The following AFF2 variants were observed in gnomAD, a reference collection of about 807,000 sequenced individuals.
AFF2 encodes ALF transcription elongation factor 2.
Under a neutral mutation model 76.9 loss-of-function variants are expected in AFF2, and 14 were observed. The observed-to-expected ratio is 0.18, with a 90% CI of 0.12 to 0.28. The LOEUF is 0.28. AFF2 is among the 10% of genes least tolerant of loss of function. AFF2 has a pLI of 1.00. For missense variants in AFF2, 868 were observed against 1,001.1 expected (o/e 0.87, Z 1.79); for synonymous variants, 398 against 366.7 (o/e 1.09, Z -0.98).
At chrX:148,628,584 A>AG (rs1221491942) in intron 1 of AFF2, among the ~76,000 whole-genome samples, 3 of 111,335 alleles carry the variant, frequency 2.7e-5, no homozygotes, top group Non-Finnish European at 5.7e-5. Flanking sequence ...AAAAAAAAAA[A>AG]AAAGAGAGAT....
intron 1 of AFF2, among the ~76,000 whole-genome samples, chrX:148,569,629 G>T (rs1314254741): frequency 9.0e-6 from 1 of 110,976 alleles, no homozygotes; most frequent in Non-Finnish European, 1.9e-5. Flanking sequence ...AAGCTTTCCT[G>T]ATTCTCTGAG....
intron 19 of AFF2, among the ~76,000 whole-genome samples, chrX:148,981,995 TTC>T (rs1370481121): frequency 1.8e-5 from 2 of 112,035 alleles, no homozygotes; most frequent in African/African-American, 6.5e-5. Context: ...GAAAGAGTGC[TTC>T]TCTCTTAAGA....
At chrX:148,780,401 G>T (rs1468812027) in intron 3 of AFF2, among the ~76,000 whole-genome samples, 3 of 111,339 alleles carry the variant, frequency 2.7e-5, no homozygotes, top group African/African-American at 6.5e-5. Context: ...ACGTCCGTTT[G>T]GTCTTTTCAC....
At chrX:148,773,686 GA>G (rs1226048165) in intron 3 of AFF2, among the ~76,000 whole-genome samples, 68 of 14,501 alleles carry the variant, frequency 4.7e-3, no homozygotes, top group African/African-American at 0.015. Flanking sequence ...AGGAAGGAAG[GA>G]AAGAAAGAAA....
intron 1 of AFF2, among the ~76,000 whole-genome samples, chrX:148,642,406 A>G (rs1450738917): frequency 8.9e-6 from 1 of 112,764 alleles, no homozygotes; most frequent in African/African-American, 3.2e-5. Context: ...GTAGTTATTG[A>G]AATTGCCTTG....
At chrX:148,741,660 C>T (rs1188522183) in intron 3 of AFF2, among the ~76,000 whole-genome samples, 1 of 110,968 alleles carries the variant, frequency 9.0e-6, no homozygotes, top group Admixed American at 9.6e-5. Flanking sequence ...GGCCAGGAGG[C>T]TTCTCACCCC....
chrX:148,592,068 C>G (rs1178627585), intron 1 of AFF2, among the ~76,000 whole-genome samples: 1 of 111,881 alleles, frequency 8.9e-6, no homozygotes, highest in Non-Finnish European at 1.9e-5. Flanking sequence ...TGAGGGCACT[C>G]CTGGCATCTC....
chrX:148,870,861 G>A (rs1557277281), intron 7 of AFF2, among the ~76,000 whole-genome samples: 2 of 111,943 alleles, frequency 1.8e-5, no homozygotes, highest in African/African-American at 6.5e-5. Context: ...CCTGCAGTTA[G>A]TGTGGCCTTC....
chrX:148,536,952 G>A (rs1461662125), intron 1 of AFF2, among the ~76,000 whole-genome samples: 4 of 112,083 alleles, frequency 3.6e-5, no homozygotes, highest in Non-Finnish European at 7.5e-5. Context: ...AGCCATTGAG[G>A]GCTTTTACTC....
At chrX:148,784,266 G>C (rs1985464811) in intron 3 of AFF2, among the ~76,000 whole-genome samples, 1 of 112,111 alleles carries the variant, frequency 8.9e-6, no homozygotes, top group Non-Finnish European at 1.9e-5. Context: ...CTGCCTTTTT[G>C]GGTCTCTTCC....
At position 148,748,958 on chromosome X, in the gene AFF2, G is replaced by A. The variant is rs1303057008; in HGVS notation, c.1042-60918G>A. ...TTTCTCACATACATTTTTAATGGTA[G>A]ATCTTTAGTAGACAGCTCATTAATT... On this transcript the variant is annotated intron_variant, in intron 3 of 20. Transcript: ENST00000370460. Among the ~76,000 whole-genome samples, 4 of 111,695 alleles carry A rather than the reference G, an allele frequency of 3.6e-5. No homozygotes were observed. In the East Asian group the frequency reaches 8.5e-4, roughly 24 times the overall value.
At chrX:148,699,749 T>C (rs782510796) in intron 3 of AFF2, among the ~76,000 whole-genome samples, 16 of 111,988 alleles carry the variant, frequency 1.4e-4, no homozygotes, top group African/African-American at 3.9e-4. Flanking sequence ...TGGGTCCCTG[T>C]CTTTGAATTT....
intron 1 of AFF2, among the ~76,000 whole-genome samples, chrX:148,588,048 C>G (rs1196886326): frequency 8.9e-6 from 1 of 112,093 alleles, no homozygotes; most frequent in African/African-American, 3.2e-5. Flanking sequence ...TAGTCTTGGT[C>G]CCTTCAATGC....
chrX:148,552,700 A>G (rs988780713), intron 1 of AFF2, among the ~76,000 whole-genome samples: 1 of 112,525 alleles, frequency 8.9e-6, no homozygotes, highest in African/African-American at 3.2e-5. Context: ...TTAATATTAC[A>G]AAACAAGTCT....
At chrX:148,985,583 G>A (rs1811548453) in intron 19 of AFF2, among the ~76,000 whole-genome samples, 1 of 110,010 alleles carries the variant, frequency 9.1e-6, no homozygotes, top group Admixed American at 9.7e-5. Context: ...ACTAACACTG[G>A]GGAAAAAGAC....
chrX:148,541,334 T>G (rs1247126488), intron 1 of AFF2, among the ~76,000 whole-genome samples: 1 of 112,114 alleles, frequency 8.9e-6, no homozygotes, highest in Non-Finnish European at 1.9e-5. Context: ...TTTGTTCGCC[T>G]AATTCTGATT....
chrX:148,633,331 A>G (rs781784893), intron 1 of AFF2, among the ~76,000 whole-genome samples: 13 of 111,515 alleles, frequency 1.2e-4, no homozygotes, highest in African/African-American at 4.2e-4. Flanking sequence ...GATTCGACAC[A>G]TTGGATGAAA....
In AFF2 at chrX:148,966,934, A is replaced by G. The variant is rs782534849; in HGVS notation, c.3058A>G (p.Thr1020Ala). The G allele has an allele frequency of 1.6e-5, 19 of 1,208,540 alleles. No homozygotes were observed. Among genetic ancestry groups the G allele is most frequent in the Non-Finnish European group, 2.1e-5 (19 of 894,926 alleles). ...CGCCACGGCCACCACCACAACTACT[A>G]CCACTACCATTTCCACCATCACCTC... Reference protein sequence around the residue: ...ATATATTTTTTTTISTITSTI... With the variant: ...ATATATTTTTATTISTITSTI... The change falls in exon 14 of 21, where the codon ACC becomes GCC. Residue 1020 changes from threonine to alanine, a missense_variant. Physicochemically the swap from Thr to Ala is moderately conservative, Grantham distance 58. Coordinates refer to ENST00000370460, the MANE Select transcript of AFF2 (RefSeq NM_002025.4).
rs1289161718 is a variant in AFF2 at position 148,891,234 on chromosome X, G to T, written c.1359+5249G>T. 5.4e-5 allele frequency among the ~76,000 whole-genome samples: 6 copies of T among 111,428 alleles called. No individual in the cohort carries two copies. In the Admixed American group the frequency reaches 5.7e-4, roughly 11 times the overall value. On this transcript the variant is annotated intron_variant, in intron 8 of 20. Coordinates refer to ENST00000370460, the MANE Select transcript of AFF2 (RefSeq NM_002025.4). Reference sequence around the variant, plus strand: ...GGAGTGGGAATATGTTATGTTCTCTGTATGCCCTGCCTCATACCACTAAAC... The same window carrying T: ...GGAGTGGGAATATGTTATGTTCTCTTTATGCCCTGCCTCATACCACTAAAC...
Sources: gnomAD v4.1 joint callset for allele counts (sites outside exome capture counted in the v4.1 genomes callset) on GRCh38, gnomAD v4.1.1 for gene constraint, MANE v1.5 for transcripts, NCBI Gene and HGNC (gene_info 2026-07-23, HGNC 2026-07-21) for gene names.